Variants in CYRIA observed in about 807,000 individuals in gnomAD.
The protein encoded by CYRIA is CYFIP-related Rac1 interactor A.
Under a neutral mutation model 43.9 loss-of-function variants are expected in CYRIA, and 15 were observed. The ratio of observed to expected loss-of-function variants is 0.34; its 90% CI spans 0.23 to 0.53. CYRIA has a LOEUF of 0.53. Ranked by LOEUF, CYRIA falls within the 20% of genes least tolerant of loss-of-function variation. The probability of loss-of-function intolerance (pLI) is 0.94; values close to 1 mark genes in which losing one functional copy is unlikely to be tolerated. For synonymous variants in CYRIA, 117 were observed against 136.0 expected, an observed-to-expected ratio of 0.86 and a Z score of 0.97; for missense variants, 236 against 394.2, an observed-to-expected ratio of 0.60 and a Z score of 3.40.
chr2:16,566,659 G>A lies in CYRIA; in HGVS notation c.71-892C>T, dbSNP rs1009541840. On this transcript the variant is annotated intron_variant, in intron 3 of 11. Transcript: ENST00000381323. ...CACTGAAGCTTCCATAATGAAAACA[G>A]TATTCTAACAGTCACAGAAGCACCC... Among the ~76,000 whole-genome samples, 8 of 152,276 alleles carry A rather than the reference G, an allele frequency of 5.3e-5. No individual in the cohort carries two copies. In the East Asian group the frequency reaches 1.5e-3, roughly 29 times the overall value.
chr2:16,562,339 AC>A (rs1174349021), intron 5 of CYRIA, among the ~76,000 whole-genome samples, 198 bp from the exon 6 acceptor site: 1 of 152,036 alleles, frequency 6.6e-6, no homozygotes, highest in African/African-American at 2.4e-5. Flanking sequence ...CCCTGAGGAA[AC>A]CCCCCATGGC....
At position 16,551,029 on chromosome 2, in the gene CYRIA, T is replaced by C. The variant is rs1039627551; in HGVS notation, c.*1907A>G. 4 of 152,238 alleles carry C rather than the reference T, an allele frequency of 2.6e-5. No individual in the cohort carries two copies. Among genetic ancestry groups the C allele is most frequent in the African/African-American group, 7.2e-5 (3 of 41,556 alleles). The allele number at this position is 152,238 out of a possible 1,614,324, so 9.4% of individuals were successfully genotyped here. A position where few individuals can be genotyped will look rare whatever the true frequency, so the allele number is the denominator to read the frequency against. On this transcript the variant is annotated 3_prime_UTR_variant, in exon 12 of 12. Transcript: ENST00000381323. ...AAGGTCTTGAAGACCACCTAGCATA[T>C]TTCTATTCTGATGAGAGAAACTCCA... is the stretch of plus-strand genomic sequence containing the variant.
At chr2:16,575,781 A>C (rs990379979) in intron 3 of CYRIA, among the ~76,000 whole-genome samples, 1 of 152,016 alleles carries the variant, frequency 6.6e-6, no homozygotes, top group Non-Finnish European at 1.5e-5. Flanking sequence ...GCGTGAACCC[A>C]GGAGGCGGAG....
At position 16,561,217 on chromosome 2, in the gene CYRIA, C is replaced by A; in HGVS notation, c.574G>T (p.Glu192Ter). Residue 192 changes from glutamate (E) to a stop codon, truncating the protein, a stop_gained, in exon 8 of 12, where the codon GAA becomes TAA. Coordinates refer to ENST00000381323, the MANE Select transcript of CYRIA (RefSeq NM_030797.4). LOFTEE classifies it high-confidence loss of function. ...AGGGTTTTCAGCATTGGCGTGGCTTCTGCATAGAAGAGGGACATTCGATTG... is the reference window on the plus strand; with the variant it reads ...AGGGTTTTCAGCATTGGCGTGGCTTATGCATAGAAGAGGGACATTCGATTG... ...MANRMSLFYA[E>*]ATPMLKTLSN... The A allele has an allele frequency of 6.2e-7, 1 of 1,613,850 alleles. No individual in the cohort carries two copies. The highest frequency in any genetic ancestry group is 8.5e-7 in the Non-Finnish European group (1 of 1,179,818).
chr2:16,586,394 G>GT (rs1326064486), intron 3 of CYRIA, among the ~76,000 whole-genome samples: 8 of 151,800 alleles, frequency 5.3e-5, no homozygotes, highest in Non-Finnish European at 8.8e-5. Context: ...TGTGTGTGTG[G>GT]TTTTTTTTAG....
chr2:16,636,214 A>G (rs1287958859), intron 1 of CYRIA, among the ~76,000 whole-genome samples: 1 of 152,124 alleles, frequency 6.6e-6, no homozygotes, highest in Non-Finnish European at 1.5e-5. Flanking sequence ...AAACAAGCAG[A>G]TGACAGAACA....
intron 1 of CYRIA, among the ~76,000 whole-genome samples, chr2:16,658,541 G>A (rs1329454970): frequency 6.6e-6 from 1 of 152,138 alleles, no homozygotes. Flanking sequence ...AGGTCTGTTT[G>A]CTTCCAAACA....
chr2:16,569,340 A>G (rs1006767530), intron 3 of CYRIA, among the ~76,000 whole-genome samples: 1 of 152,170 alleles, frequency 6.6e-6, no homozygotes, highest in African/African-American at 2.4e-5. Context: ...CTGGTGTCCT[A>G]TTAGAAATAT....
chr2:16,633,489 C>A (rs935014540), intron 1 of CYRIA, among the ~76,000 whole-genome samples: 3 of 149,180 alleles, frequency 2.0e-5, no homozygotes, highest in African/African-American at 7.4e-5. Context: ...TCTTGGCTCA[C>A]TGCAATGTCC....
intron 2 of CYRIA, among the ~76,000 whole-genome samples, chr2:16,601,770 C>G (rs1232270132): frequency 6.6e-6 from 1 of 150,700 alleles, no homozygotes; most frequent in East Asian, 1.9e-4. Flanking sequence ...CTATTTGCAA[C>G]TCTATTTTTG....
At chr2:16,652,578 G>A (rs2103549268) in intron 1 of CYRIA, among the ~76,000 whole-genome samples, 1 of 152,332 alleles carries the variant, frequency 6.6e-6, no homozygotes, top group African/African-American at 2.4e-5. Flanking sequence ...AAGGTCTCCA[G>A]AGATGAAGTC....
At chr2:16,592,022 C>T (rs1406520136) in intron 2 of CYRIA, among the ~76,000 whole-genome samples, 1 of 151,980 alleles carries the variant, frequency 6.6e-6, no homozygotes, top group Non-Finnish European at 1.5e-5. Flanking sequence ...TAAATTCATT[C>T]CTGTGGGGAG....
chr2:16,615,891 C>T (rs1395538899), intron 2 of CYRIA, among the ~76,000 whole-genome samples: 4 of 152,216 alleles, frequency 2.6e-5, no homozygotes, highest in African/African-American at 9.6e-5. Flanking sequence ...GAGGTGCAGA[C>T]AGGACACAGG....
chr2:16,613,293 CA>C (rs987295035), intron 2 of CYRIA, among the ~76,000 whole-genome samples: 1 of 152,302 alleles, frequency 6.6e-6, no homozygotes, highest in African/African-American at 2.4e-5. Context: ...AGTGCTGTCC[CA>C]GGGGAGGACA....
intron 3 of CYRIA, among the ~76,000 whole-genome samples, chr2:16,578,748 A>T (rs1667442083): frequency 6.6e-6 from 1 of 152,184 alleles, no homozygotes; most frequent in Non-Finnish European, 1.5e-5. Context: ...AATTTAAAAA[A>T]TAGAACAGAG....
intron 1 of CYRIA, among the ~76,000 whole-genome samples, chr2:16,636,646 T>C (rs1228206462): frequency 4.6e-5 from 7 of 152,096 alleles, no homozygotes; most frequent in Non-Finnish European, 8.8e-5. Context: ...CTACACTCCC[T>C]CTGCAAGGCT....
At chr2:16,655,638 G>A (rs1374458442) in intron 1 of CYRIA, among the ~76,000 whole-genome samples, 2 of 152,182 alleles carry the variant, frequency 1.3e-5, no homozygotes, top group Non-Finnish European at 2.9e-5. Context: ...GCGGCAACTG[G>A]AGCACGGCCT....
rs1572205626 is a variant in CYRIA, at chr2:16,652,421, T to C, written c.-167+13359A>G. ...GCCTCACTGGGGCCAAATGCTTTTC[T>C]TAGCCATCCTCTCTCCCCTTGCCGT... On this transcript the variant is annotated intron_variant, in intron 1 of 11. Transcript: ENST00000381323. 2.0e-5 allele frequency among the ~76,000 whole-genome samples: 3 copies of C among 152,336 alleles called. No individual in the cohort carries two copies. In the East Asian group the frequency reaches 5.8e-4, roughly 29 times the overall value.
chr2:16,579,836 G>A, intron 3 of CYRIA, among the ~76,000 whole-genome samples: 1 of 152,100 alleles, frequency 6.6e-6, no homozygotes, highest in East Asian at 1.9e-4. Flanking sequence ...ATTGATTAAT[G>A]CAATACAATA....
Sources: allele counts gnomAD v4.1 joint callset (sites outside exome capture counted in the v4.1 genomes callset), GRCh38; gene constraint gnomAD v4.1.1; transcripts MANE v1.5; gene names NCBI Gene and HGNC (gene_info 2026-07-23, HGNC 2026-07-21).